The following FBXW7 variants were observed in gnomAD, a reference collection of about 807,000 sequenced individuals.
FBXW7 encodes F-box/WD repeat-containing protein 7.
In FBXW7, 11 loss-of-function variants were observed where a neutral mutation model predicts 86.3. The observed-to-expected ratio is 0.13, with a 90% CI of 0.08 to 0.21. The LOEUF (loss-of-function observed/expected upper bound fraction) is 0.21, where lower values mean the gene tolerates loss of function less well. Ranked by LOEUF, FBXW7 falls within the 10% of genes least tolerant of loss-of-function variation. The pLI is 1.00. For synonymous variants in FBXW7, 313 were observed against 297.9 expected, an observed-to-expected ratio of 1.05 and a Z score of -0.52; for missense variants, 488 against 847.4, an observed-to-expected ratio of 0.58 and a Z score of 5.27.
intron 2 of FBXW7, among the ~76,000 whole-genome samples, chr4:152,425,485 T>C (rs1739301631): frequency 6.6e-6 from 1 of 152,162 alleles, no homozygotes; most frequent in South Asian, 2.1e-4. Context: ...AACATCTCCC[T>C]GGAAGGAGTT....
chr4:152,332,936 C>T (rs184391417), intron 7 of FBXW7, among the ~76,000 whole-genome samples: 1 of 152,126 alleles, frequency 6.6e-6, no homozygotes, highest in Non-Finnish European at 1.5e-5. Flanking sequence ...ACTCTACTAA[C>T]TCTTTACCCT....
At chr4:152,371,948 A>G (rs1215804818) in intron 4 of FBXW7, among the ~76,000 whole-genome samples, 3 of 151,956 alleles carry the variant, frequency 2.0e-5, no homozygotes, top group African/African-American at 7.2e-5. Context: ...TCTTTGTAAC[A>G]GTAGCAACAC....
chr4:152,390,426 C>A (rs1735899973), intron 4 of FBXW7, among the ~76,000 whole-genome samples: 1 of 152,030 alleles, frequency 6.6e-6, no homozygotes, highest in Non-Finnish European at 1.5e-5. Flanking sequence ...GTTACCCCAG[C>A]TGTTAAAATG....
chr4:152,336,938 T>G (rs1329589147), intron 7 of FBXW7, among the ~76,000 whole-genome samples: 1 of 152,034 alleles, frequency 6.6e-6, no homozygotes, highest in African/African-American at 2.4e-5. Context: ...TTTGAAATGG[T>G]ATGTTAGTAT....
Position 152,412,547 on chromosome 4 carries a change from AATT to A in FBXW7, c.-119-21_-119-19del, listed in dbSNP as rs1738056769. 3 of 152,052 alleles carry A rather than the reference AATT, an allele frequency of 2.0e-5. No individual in the cohort carries two copies. The highest frequency in any genetic ancestry group is 2.9e-5 in the Non-Finnish European group (2 of 67,974). 9.4% of individuals were successfully genotyped at this position (152,052 alleles called of 1,614,324 possible). A position where few individuals can be genotyped will look rare whatever the true frequency, so the allele number is the denominator to read the frequency against. ...AAGTAATCCTAAAACAGAAAAAAAAAATTTATACAGAGGATGCTCACTGCAGTT... is the reference window on the plus strand; with the variant it reads ...AAGTAATCCTAAAACAGAAAAAAAAATATACAGAGGATGCTCACTGCAGTT... On this transcript the variant is annotated intron_variant, in intron 2 of 13. Coordinates refer to ENST00000281708, the MANE Select transcript of FBXW7 (RefSeq NM_001349798.2).
chr4:152,326,917 TAA>T (rs1428328858), intron 11 of FBXW7, among the ~76,000 whole-genome samples: 4 of 152,206 alleles, frequency 2.6e-5, no homozygotes, highest in East Asian at 1.9e-4. Context: ...ATAAAAATAT[TAA>T]GAGATAAAGA....
intron 7 of FBXW7, chr4:152,337,562 CAT>C: frequency 2.8e-6 from 1 of 353,626 alleles, no homozygotes; most frequent in South Asian, 7.7e-5. Context: ...GTTACTCTCA[CAT>C]ATATGACTTA....
At chr4:152,533,996 A>G (rs1420107810) in intron 2 of FBXW7, among the ~76,000 whole-genome samples, 1 of 152,220 alleles carries the variant, frequency 6.6e-6, no homozygotes, top group South Asian at 2.1e-4. Context: ...GTCTTCTTAC[A>G]TAAAATTCTG....
intron 2 of FBXW7, among the ~76,000 whole-genome samples, chr4:152,515,293 T>C (rs573438791): frequency 6.6e-6 from 1 of 152,220 alleles, no homozygotes; most frequent in Non-Finnish European, 1.5e-5. Context: ...TAATTTGTAG[T>C]AATAAAAAAG....
chr4:152,391,876 C>T (rs1270964637), intron 4 of FBXW7, among the ~76,000 whole-genome samples: 1 of 152,112 alleles, frequency 6.6e-6, no homozygotes. Context: ...TCCAATTCCA[C>T]AGAATGTTAC....
At chr4:152,445,521 T>G (rs555833547) in intron 2 of FBXW7, among the ~76,000 whole-genome samples, 1 of 152,334 alleles carries the variant, frequency 6.6e-6, no homozygotes, top group South Asian at 2.1e-4. Context: ...TGTGTGATTT[T>G]TAGGAGTTGT....
intron 12 of FBXW7, chr4:152,325,481 T>C (rs1728936583): frequency 6.6e-6 from 1 of 152,270 alleles, no homozygotes; most frequent in African/African-American, 2.4e-5. Context: ...GGGCTTGAAA[T>C]ATAAACCAAA....
chr4:152,391,465 A>C (rs901276160), intron 4 of FBXW7, among the ~76,000 whole-genome samples: 6 of 152,296 alleles, frequency 3.9e-5, no homozygotes, highest in African/African-American at 1.4e-4. Flanking sequence ...AAAGAAATAA[A>C]ATTCAATTCC....
At chr4:152,355,538 A>G (rs1732288578) in intron 4 of FBXW7, among the ~76,000 whole-genome samples, 2 of 152,158 alleles carry the variant, frequency 1.3e-5, no homozygotes, top group Non-Finnish European at 2.9e-5. Context: ...CTATTTCACT[A>G]TATTAAATAT....
intron 5 of FBXW7, among the ~76,000 whole-genome samples, chr4:152,348,219 A>G (rs963218560): frequency 6.7e-6 from 1 of 149,700 alleles, no homozygotes; most frequent in Non-Finnish European, 1.5e-5. Flanking sequence ...AAGTCTTCTT[A>G]TCTACTCCCT....
intron 2 of FBXW7, among the ~76,000 whole-genome samples, chr4:152,492,209 T>G (rs182628247): frequency 6.6e-6 from 1 of 152,236 alleles, no homozygotes; most frequent in Non-Finnish European, 1.5e-5. Context: ...GTTGTGTACA[T>G]TTGCCATTCT....
At chr4:152,339,259 C>CT (rs1366281518) in intron 6 of FBXW7, among the ~76,000 whole-genome samples, 1 of 152,160 alleles carries the variant, frequency 6.6e-6, no homozygotes, top group Non-Finnish European at 1.5e-5. Flanking sequence ...CACCTTGAGT[C>CT]TTACATTGTA....
chr4:152,410,530 A>G (rs1737848118), intron 4 of FBXW7, among the ~76,000 whole-genome samples: 2 of 151,218 alleles, frequency 1.3e-5, no homozygotes, highest in Admixed American at 1.3e-4. Context: ...CACATTTTAG[A>G]AAGTAAGGTT....
At chr4:152,425,307 AC>A (rs1739281528) in intron 2 of FBXW7, among the ~76,000 whole-genome samples, 1 of 152,036 alleles carries the variant, frequency 6.6e-6, no homozygotes. Context: ...GCAATTCCAT[AC>A]CCCACAATTC....
Sources: allele counts gnomAD v4.1 joint callset (sites outside exome capture counted in the v4.1 genomes callset), GRCh38; gene constraint gnomAD v4.1.1; transcripts MANE v1.5; gene names NCBI Gene and HGNC (gene_info 2026-07-23, HGNC 2026-07-21).